PGM2: variants seen among roughly 807,000 people sequenced by gnomAD.
The protein encoded by PGM2 is phosphoglucomutase 2.
PGM2 carries 57 observed loss-of-function variants against 74.6 expected under a neutral mutation model. That is an observed-to-expected ratio of 0.76 (90% CI 0.62 to 0.95). The LOEUF (loss-of-function observed/expected upper bound fraction) is 0.95, where lower values mean the gene tolerates loss of function less well. Ranked by LOEUF, PGM2 falls within the 40% of genes least tolerant of loss-of-function variation. PGM2 has a pLI of 0.00. For missense variants in PGM2, 706 were observed against 741.9 expected (o/e 0.95, Z 0.56); for synonymous variants, 273 against 260.7 (o/e 1.05, Z -0.46).
At chr4:37,850,915 C>T (rs991093837) in intron 12 of PGM2, among the ~76,000 whole-genome samples, 1 of 140,364 alleles carries the variant, frequency 7.1e-6, no homozygotes, top group Admixed American at 7.7e-5. Flanking sequence ...TGCTTGAACC[C>T]AGGAGGCAGA....
chr4:37,859,676 A>G (rs1403424819), intron 13 of PGM2, among the ~76,000 whole-genome samples: 1 of 152,100 alleles, frequency 6.6e-6, no homozygotes, highest in Admixed American at 6.6e-5. Flanking sequence ...ATCCTAGCCA[A>G]ATTGACACCT....
intron 6 of PGM2, among the ~76,000 whole-genome samples, chr4:37,843,615 T>A (rs867045113): frequency 0.01 from 1,576 of 151,488 alleles, 38 homozygotes; most frequent in African/African-American, 0.036. Context: ...TTATTATTTT[T>A]TTTTTTTTCC....
Position 37,860,560 on chromosome 4 carries a change from T to C in PGM2, c.1737-950T>C, listed in dbSNP as rs536309366. 2.0e-5 allele frequency among the ~76,000 whole-genome samples: 3 copies of C among 152,390 alleles called. No individual in the cohort carries two copies. The East Asian group carries it at 5.8e-4, about 29-fold the overall frequency. On this transcript the variant is annotated intron_variant, in intron 13 of 13. Coordinates refer to ENST00000381967, the MANE Select transcript of PGM2 (RefSeq NM_018290.4). Reference sequence around the variant, plus strand: ...ATGTCTACAATGAAATGGATTGCTTTAGCTATTACAGTACTGTTTAGCTAT... The same window carrying C: ...ATGTCTACAATGAAATGGATTGCTTCAGCTATTACAGTACTGTTTAGCTAT...
rs746319975 is a variant in PGM2, at chr4:37,848,574, C to T, written c.1335C>T (p.Val445=). The T allele has an allele frequency of 6.2e-7, 1 of 1,613,636 alleles. No homozygotes were observed. Among genetic ancestry groups the T allele is most frequent in the Non-Finnish European group, 8.5e-7 (1 of 1,179,556 alleles). The part of the protein sequence containing the change: ...VLDKDGVSAA[V]ISAELASFLA... ...ACAAAGATGGAGTCAGTGCCGCTGTCATAAGTGCAGAGTTGGCTAGCTTCC... is the reference window on the plus strand; with the variant it reads ...ACAAAGATGGAGTCAGTGCCGCTGTTATAAGTGCAGAGTTGGCTAGCTTCC... Residue 445 remains valine, a synonymous_variant, in exon 11 of 14, where the codon GTC becomes GTT. Coordinates refer to ENST00000381967, the MANE Select transcript of PGM2 (RefSeq NM_018290.4).
intron 13 of PGM2, among the ~76,000 whole-genome samples, chr4:37,856,391 A>C (rs1363566358): frequency 6.6e-6 from 1 of 152,146 alleles, no homozygotes; most frequent in East Asian, 1.9e-4. Flanking sequence ...TCTCAAAAAA[A>C]TAAATAAATA....
chr4:37,847,146 C>T (rs1376514099), intron 9 of PGM2, 35 bp downstream of exon 9: 2 of 1,598,714 alleles, frequency 1.3e-6, no homozygotes, highest in South Asian at 2.2e-5. Flanking sequence ...ATTTTCCTTT[C>T]ATCTGCTCTG....
At chr4:37,840,306 C>A in intron 6 of PGM2, 47 bp downstream of exon 6, 1 of 1,121,688 alleles carries the variant, frequency 8.9e-7, no homozygotes, top group Non-Finnish European at 1.3e-6. Context: ...TAATGTGATT[C>A]AGCCAAATTC....
At chr4:37,846,705 ATGTC>A (rs747545358) in intron 8 of PGM2, among the ~76,000 whole-genome samples, 2 of 152,236 alleles carry the variant, frequency 1.3e-5, no homozygotes, top group Non-Finnish European at 2.9e-5. Flanking sequence ...CAAAGACAGG[ATGTC>A]TGTTCAGGCA....
chr4:37,832,417 G>A (rs937186664), intron 2 of PGM2, among the ~76,000 whole-genome samples: 14 of 152,178 alleles, frequency 9.2e-5, no homozygotes, highest in Admixed American at 2.0e-4. Context: ...CTTTCATGGT[G>A]GCATAGGTGC....
In PGM2 at chr4:37,840,152, T is replaced by C; in HGVS notation, c.612T>C (p.Pro204=). 6.2e-7 allele frequency: 1 copy of C among 1,613,178 alleles called. No homozygotes were observed. The highest frequency in any genetic ancestry group is 8.5e-7 in the Non-Finnish European group (1 of 1,179,094). Residue 204 remains proline, a synonymous_variant, in exon 6 of 14, where the codon CCT becomes CCC. Transcript: ENST00000381967. ...QAIEENLEPW[P]QAWDDSLIDS... is the part of the protein sequence containing the mutation. ...TTGAAGAAAATCTAGAACCGTGGCC[T>C]CAAGCTTGGGACGATTCTTTAATTG...
chr4:37,848,470 T>C (rs1289903908), intron 10 of PGM2, 52 bp from the exon 11 acceptor site: 7 of 1,512,766 alleles, frequency 4.6e-6, no homozygotes, highest in African/African-American at 1.4e-5. Flanking sequence ...CATACTCATA[T>C]GTGGTTTGAC....
intron 6 of PGM2, among the ~76,000 whole-genome samples, chr4:37,840,527 C>T (rs974241155): frequency 1.3e-5 from 2 of 152,152 alleles, no homozygotes; most frequent in African/African-American, 2.4e-5. Context: ...GTATCACAGG[C>T]GTGAGCCACT....
At chr4:37,827,770 G>A (rs937750452) in intron 1 of PGM2, among the ~76,000 whole-genome samples, 39 of 152,260 alleles carry the variant, frequency 2.6e-4, no homozygotes, top group African/African-American at 5.5e-4. Flanking sequence ...GACTTCAGGG[G>A]CGAGAGACCC....
chr4:37,848,754 G>T (rs1725947823), intron 11 of PGM2, 103 bp downstream of exon 11: 1 of 906,866 alleles, frequency 1.1e-6, no homozygotes, highest in East Asian at 2.6e-5. Flanking sequence ...TCTTATTTTG[G>T]TGATGAATTC....
intron 6 of PGM2, among the ~76,000 whole-genome samples, chr4:37,840,677 G>T (rs545696015): frequency 1.3e-5 from 2 of 152,032 alleles, no homozygotes; most frequent in African/African-American, 2.4e-5. Context: ...GAGCCACCAC[G>T]CCCACCCAGC....
intron 10 of PGM2, among the ~76,000 whole-genome samples, chr4:37,847,641 C>T (rs1725912481): frequency 6.6e-6 from 1 of 152,176 alleles, no homozygotes. Context: ...AATGTCCCTC[C>T]TCCTCCAAAA....
rs981804875 is a variant in PGM2 at position 37,845,543 on chromosome 4, C to T, written c.910-90C>T. ...TATCTTTCTAAGAGGGGAAAGACCT[C>T]TTGAGTTCTTAAGGAACTGAATGTT... On this transcript the variant is annotated intron_variant, in intron 7 of 13. Transcript: ENST00000381967. 1.7e-5 allele frequency: 15 copies of T among 875,034 alleles called. No homozygotes were observed. The Admixed American group carries it at 2.4e-4, about 14-fold the overall frequency. The allele number at this position is 875,034 out of a possible 1,614,324, so 54.2% of individuals were successfully genotyped here. A position where few individuals can be genotyped will look rare whatever the true frequency, so the allele number is the denominator to read the frequency against.
chr4:37,850,345 A>G lies in PGM2; in HGVS notation c.1574A>G (p.Tyr525Cys), dbSNP rs767182932. ...GCCATTAGGGACCTTACAACTGGCT[A>G]TGATGATAGCCAACCTGATAAAAAA... ...ISAIRDLTTGYDDSQPDKKAV... is the reference protein window; with the variant it reads ...ISAIRDLTTGCDDSQPDKKAV... Residue 525 changes from tyrosine to cysteine, a missense_variant, in exon 12 of 14, where the codon TAT becomes TGT. Coordinates refer to ENST00000381967, the MANE Select transcript of PGM2 (RefSeq NM_018290.4). The G allele has an allele frequency of 1.5e-5, 24 of 1,564,522 alleles. No individual in the cohort carries two copies. The highest frequency in any genetic ancestry group is 3.7e-5 in the South Asian group (3 of 80,940).
chr4:37,855,566 A>C, intron 12 of PGM2, 42 bp from the exon 13 acceptor site: 1 of 1,574,808 alleles, frequency 6.3e-7, no homozygotes, highest in South Asian at 1.2e-5. Context: ...GTTAGGCCAG[A>C]ATGTTACTAT....
Sources: allele counts gnomAD v4.1 joint callset (sites outside exome capture counted in the v4.1 genomes callset), GRCh38; gene constraint gnomAD v4.1.1; transcripts MANE v1.5; gene names NCBI Gene and HGNC (gene_info 2026-07-23, HGNC 2026-07-21).